Variants in EGFLAM observed in about 807,000 individuals in gnomAD.
The protein encoded by EGFLAM is EGF like, fibronectin type III and laminin G domains.
Under a neutral mutation model 113.1 loss-of-function variants are expected in EGFLAM, and 79 were observed. That is an observed-to-expected ratio of 0.70 (90% CI 0.58 to 0.84). The LOEUF (loss-of-function observed/expected upper bound fraction) is 0.84. Ranked by LOEUF, EGFLAM falls within the 40% of genes least tolerant of loss-of-function variation. The pLI is 0.00. For synonymous variants in EGFLAM, 504 were observed against 487.6 expected, an observed-to-expected ratio of 1.03 and a Z score of -0.44; for missense variants, 1,265 against 1,291.6, an observed-to-expected ratio of 0.98 and a Z score of 0.32.
rs199935377 is a variant in EGFLAM, at chr5:38,407,154, C to T, written c.1147+8C>T. On this transcript the variant is annotated splice_region_variant and intron_variant, in intron 8 of 21. Coordinates refer to ENST00000322350, the MANE Select transcript of EGFLAM (RefSeq NM_152403.4). Reference sequence around the variant, plus strand: ...GTGAGAGCTGCTCAGAAGGTAGGCCCTTGGGGGAGAGGAAGAAGTGGTGAT... The same window carrying T: ...GTGAGAGCTGCTCAGAAGGTAGGCCTTTGGGGGAGAGGAAGAAGTGGTGAT... The T allele has an allele frequency of 6.7e-4, 1,065 of 1,583,644 alleles. 1 individual carries two copies. Among genetic ancestry groups the T allele is most frequent in the Admixed American group, 1.2e-3 (72 of 58,998 alleles).
At chr5:38,400,481 C>T (rs17341241) in intron 6 of EGFLAM, among the ~76,000 whole-genome samples, 18,128 of 152,162 alleles carry the variant, frequency 0.12, 1,483 homozygotes, top group Non-Finnish European at 0.17. Context: ...ACAATAACCC[C>T]AGGCTACAGG....
chr5:38,402,512 A>G (rs1004119010), intron 6 of EGFLAM, among the ~76,000 whole-genome samples: 1 of 152,212 alleles, frequency 6.6e-6, no homozygotes, highest in African/African-American at 2.4e-5. Flanking sequence ...GGATCTTTCT[A>G]CCTCCACAGT....
At position 38,349,934 on chromosome 5, in the gene EGFLAM, C is replaced by A. The variant is rs1365854594; in HGVS notation, c.292-567C>A. 2.1e-5 allele frequency among the ~76,000 whole-genome samples: 3 copies of A among 145,866 alleles called. 1 individual carries two copies. The highest frequency in any genetic ancestry group is 7.8e-5 in the African/African-American group (3 of 38,566). On this transcript the variant is annotated intron_variant, in intron 3 of 21. Coordinates refer to ENST00000322350, the MANE Select transcript of EGFLAM (RefSeq NM_152403.4). ...TTCAGCTGGGGCTTCCTGCTCAGGGCCGTTTGTGCAGGGGAAGTACACACA... is the reference window on the plus strand; with the variant it reads ...TTCAGCTGGGGCTTCCTGCTCAGGGACGTTTGTGCAGGGGAAGTACACACA...
chr5:38,383,819 C>T (rs1740584726), intron 6 of EGFLAM, among the ~76,000 whole-genome samples: 1 of 151,794 alleles, frequency 6.6e-6, no homozygotes, highest in African/African-American at 2.4e-5. Flanking sequence ...TGAGCAGAAT[C>T]CCTCCACGTG....
intron 11 of EGFLAM, 35 bp downstream of exon 11, chr5:38,412,683 T>C: frequency 2.5e-6 from 4 of 1,584,808 alleles, no homozygotes; most frequent in Non-Finnish European, 3.4e-6. Context: ...CCACCCCACA[T>C]ACCACCCACC....
intron 10 of EGFLAM, 82 bp downstream of exon 10, chr5:38,409,186 A>G (rs1361379058): frequency 1.3e-5 from 14 of 1,051,566 alleles, no homozygotes; most frequent in East Asian, 2.6e-5. Flanking sequence ...ATGAAAAAAT[A>G]TATACAGGAT....
chr5:38,450,140 C>T (rs543345336), intron 18 of EGFLAM, among the ~76,000 whole-genome samples: 1 of 152,326 alleles, frequency 6.6e-6, no homozygotes, highest in Non-Finnish European at 1.5e-5. Context: ...CACATGCCTG[C>T]CCCTAAACCA....
In EGFLAM at chr5:38,435,145, C is replaced by T; in HGVS notation, c.2175C>T (p.Phe725=). The part of the protein sequence containing the change: ...KIVEGMAEGG[F]TQIKCNTDIF... ...TTTTAATCTTTTGGCAGGGAGGCTTCACACAGATTAAGTGCAACACAGACA... is the reference window on the plus strand; with the variant it reads ...TTTTAATCTTTTGGCAGGGAGGCTTTACACAGATTAAGTGCAACACAGACA... The change falls in exon 16 of 22, where the codon TTC becomes TTT. Residue 725 remains phenylalanine, a synonymous_variant. Transcript: ENST00000322350. 1 of 1,614,000 alleles carries T rather than the reference C, an allele frequency of 6.2e-7. No homozygotes were observed.
intron 1 of EGFLAM, chr5:38,305,436 G>T (rs1328241660): frequency 1.3e-5 from 6 of 454,548 alleles, no homozygotes; most frequent in South Asian, 9.3e-5. Context: ...TCTCAGGAAG[G>T]TGTTGGAGGA....
At chr5:38,296,433 G>C (rs533443248) in intron 1 of EGFLAM, among the ~76,000 whole-genome samples, 6 of 152,082 alleles carry the variant, frequency 3.9e-5, no homozygotes, top group Non-Finnish European at 8.8e-5. Context: ...AAATTCAGCT[G>C]CTTCACAGTA....
intron 5 of EGFLAM, among the ~76,000 whole-genome samples, chr5:38,354,159 T>C (rs1334024272): frequency 1.3e-5 from 2 of 152,050 alleles, no homozygotes; most frequent in African/African-American, 4.8e-5. Flanking sequence ...TTTTTTATAA[T>C]GCCCACTGCA....
chr5:38,322,405 C>T (rs1738766744), intron 1 of EGFLAM, among the ~76,000 whole-genome samples: 1 of 152,308 alleles, frequency 6.6e-6, no homozygotes, highest in African/African-American at 2.4e-5. Flanking sequence ...ACACTCCGCT[C>T]ATGGGGAGAG....
chr5:38,398,724 C>CTT (rs1741025664), intron 6 of EGFLAM, among the ~76,000 whole-genome samples: 2 of 152,164 alleles, frequency 1.3e-5, no homozygotes, highest in South Asian at 4.1e-4. Context: ...GGCCAAGTCA[C>CTT]TTAGGATCTT....
At chr5:38,394,039 C>T (rs191347189) in intron 6 of EGFLAM, among the ~76,000 whole-genome samples, 24 of 152,198 alleles carry the variant, frequency 1.6e-4, no homozygotes, top group African/African-American at 5.3e-4. Context: ...CGGCTAGGCC[C>T]ATCTCCGAAG....
In EGFLAM at chr5:38,407,863, G is replaced by A. The variant is rs1488886321; in HGVS notation, c.1206G>A (p.Leu402=). ...ACTCCTATGTAACGTTTGAACCTCT[G>A]AAGAATTCTTATCAGGCATTTCAAA... ...FGHSYVTFEP[L]KNSYQAFQIT... The change falls in exon 9 of 22, where the codon CTG becomes CTA. Residue 402 remains leucine, a synonymous_variant. Transcript: ENST00000322350. 1.2e-6 allele frequency: 2 copies of A among 1,613,762 alleles called. No individual in the cohort carries two copies. Among genetic ancestry groups the A allele is most frequent in the Admixed American group, 3.3e-5 (2 of 59,998 alleles).
intron 6 of EGFLAM, among the ~76,000 whole-genome samples, chr5:38,394,288 C>T (rs189441895): frequency 1.2e-4 from 19 of 152,100 alleles, no homozygotes; most frequent in Admixed American, 7.9e-4. Context: ...CCTAAGGGTA[C>T]GGTTTAGCCA....
At chr5:38,379,074 T>C (rs1199257395) in intron 6 of EGFLAM, among the ~76,000 whole-genome samples, 1 of 152,090 alleles carries the variant, frequency 6.6e-6, no homozygotes, top group African/African-American at 2.4e-5. Context: ...AATGCCAGAA[T>C]TCAGAAACAG....
intron 1 of EGFLAM, among the ~76,000 whole-genome samples, chr5:38,311,450 C>T (rs1361907166): frequency 2.0e-5 from 3 of 152,116 alleles, no homozygotes; most frequent in African/African-American, 7.2e-5. Flanking sequence ...GATCTTTGTC[C>T]TTCTGTGCCT....
intron 6 of EGFLAM, chr5:38,401,877 G>C (rs1375241062): frequency 6.6e-6 from 1 of 152,222 alleles, no homozygotes; most frequent in Non-Finnish European, 1.5e-5. Context: ...GCTGATTGGA[G>C]GCATATATCC....
Sources: allele counts gnomAD v4.1 joint callset (sites outside exome capture counted in the v4.1 genomes callset), GRCh38; gene constraint gnomAD v4.1.1; transcripts MANE v1.5; gene names NCBI Gene and HGNC (gene_info 2026-07-23, HGNC 2026-07-21).